The following CBFA2T2 variants were observed in gnomAD, a reference collection of about 807,000 sequenced individuals.
The protein encoded by CBFA2T2 is protein CBFA2T2.
In CBFA2T2, 11 loss-of-function variants were observed where a neutral mutation model predicts 62.2. The observed-to-expected ratio is 0.18, with a 90% CI of 0.11 to 0.29. The LOEUF (loss-of-function observed/expected upper bound fraction) is 0.29. Among genes scored for constraint, CBFA2T2 ranks in the 10% least tolerant of loss-of-function variants. The pLI is 1.00. For synonymous variants in CBFA2T2, 295 were observed against 287.5 expected (o/e 1.03, Z -0.27); for missense variants, 592 against 774.1 (o/e 0.76, Z 2.79).
At chr20:33,542,030 C>CT (rs2012421455) in intron 1 of CBFA2T2, among the ~76,000 whole-genome samples, 1 of 152,130 alleles carries the variant, frequency 6.6e-6, no homozygotes, top group Admixed American at 6.5e-5. Context: ...AGGCATGAGC[C>CT]ACTACACCTA....
intron 3 of CBFA2T2, among the ~76,000 whole-genome samples, chr20:33,618,255 T>TAG (rs1421754228): frequency 6.6e-6 from 1 of 152,134 alleles, no homozygotes; most frequent in Non-Finnish European, 1.5e-5. Context: ...TTTGAACACT[T>TAG]ACAAAGTTTC....
At chr20:33,544,944 AC>A (rs2012499911) in intron 1 of CBFA2T2, among the ~76,000 whole-genome samples, 1 of 139,194 alleles carries the variant, frequency 7.2e-6, no homozygotes, top group Non-Finnish European at 1.5e-5. Flanking sequence ...ATAGAATAGA[AC>A]AGAATAGAAT....
chr20:33,528,149 C>T (rs1042755621), intron 1 of CBFA2T2, among the ~76,000 whole-genome samples: 10 of 152,176 alleles, frequency 6.6e-5, no homozygotes, highest in Non-Finnish European at 1.5e-5. Flanking sequence ...GGATTACAGG[C>T]TCTTGCCTCT....
At chr20:33,536,624 G>A (rs1459889856) in intron 1 of CBFA2T2, among the ~76,000 whole-genome samples, 2 of 151,224 alleles carry the variant, frequency 1.3e-5, no homozygotes, top group South Asian at 2.1e-4. Flanking sequence ...CAGACGGGGC[G>A]GTTGCCAGGC....
intron 1 of CBFA2T2, among the ~76,000 whole-genome samples, chr20:33,502,466 G>T (rs981133416): frequency 3.3e-5 from 5 of 151,728 alleles, no homozygotes; most frequent in African/African-American, 1.2e-4. Context: ...GAGTGCAGTG[G>T]CCCGATCTCG....
chr20:33,518,696 C>G (rs992571927), intron 1 of CBFA2T2, among the ~76,000 whole-genome samples: 1 of 151,250 alleles, frequency 6.6e-6, no homozygotes, highest in East Asian at 1.9e-4. Flanking sequence ...CTCTTGAACC[C>G]GAGTGGCAGA....
chr20:33,628,410 C>T lies in CBFA2T2; in HGVS notation c.1007C>T (p.Ala336Val), dbSNP rs865977083. The T allele has an allele frequency of 6.2e-7, 1 of 1,611,646 alleles. No individual in the cohort carries two copies. The highest frequency in any genetic ancestry group is 8.5e-7 in the Non-Finnish European group (1 of 1,177,722). ...CATCGTTTGACAGAAAGGGAATGGGCTGATGAATGGAAACATCTTGACCAT... is the reference window on the plus strand; with the variant it reads ...CATCGTTTGACAGAAAGGGAATGGGTTGATGAATGGAAACATCTTGACCAT... ...VDHRLTEREW[A>V]DEWKHLDHAL... Residue 336 changes from alanine to valine, a missense_variant, in exon 7 of 11, where the codon GCT becomes GTT. This residue lies in a region of CBFA2T2 where 449 missense variants were observed against 551.2 expected (regional missense o/e 0.81). Transcript: ENST00000342704.
chr20:33,539,073 C>T lies in CBFA2T2; in HGVS notation c.34+48772C>T, dbSNP rs118009131. Reference sequence around the variant, plus strand: ...TTGCAACTTATTCTAGCCTAGGTCCCACTTAAAATTATAGTTGGGGAGAGA... The same window carrying T: ...TTGCAACTTATTCTAGCCTAGGTCCTACTTAAAATTATAGTTGGGGAGAGA... On this transcript the variant is annotated intron_variant, in intron 1 of 10. Coordinates refer to ENST00000342704, the MANE Select transcript of CBFA2T2 (RefSeq NM_001032999.3). Among the ~76,000 whole-genome samples, 879 of 152,280 alleles carry T rather than the reference C, an allele frequency of 5.8e-3. 7 individuals are homozygous for T. The highest frequency in any genetic ancestry group is 9.4e-3 in the Non-Finnish European group (639 of 68,020).
chr20:33,523,036 C>T (rs2011776541), intron 1 of CBFA2T2, among the ~76,000 whole-genome samples: 3 of 152,110 alleles, frequency 2.0e-5, no homozygotes, highest in Non-Finnish European at 4.4e-5. Flanking sequence ...TAGTTGTATA[C>T]TTATCCCTTT....
At chr20:33,643,766 T>C (rs1601126730) in intron 10 of CBFA2T2, among the ~76,000 whole-genome samples, 1 of 2,464 alleles carries the variant, frequency 4.1e-4, no homozygotes, top group Non-Finnish European at 6.3e-4. Flanking sequence ...TATATATATA[T>C]ATATATATAT....
At chr20:33,525,215 G>A (rs1282858242) in intron 1 of CBFA2T2, among the ~76,000 whole-genome samples, 2 of 144,340 alleles carry the variant, frequency 1.4e-5, no homozygotes, top group African/African-American at 5.2e-5. Context: ...GACAGAGTTT[G>A]GCTCTTGTTG....
intron 1 of CBFA2T2, among the ~76,000 whole-genome samples, chr20:33,597,961 ACAT>A (rs2014960046): frequency 1.3e-5 from 2 of 152,160 alleles, no homozygotes; most frequent in South Asian, 4.1e-4. Context: ...TCCAGGGGAG[ACAT>A]CATATGTCGG....
chr20:33,618,016 T>C (rs745845968), intron 3 of CBFA2T2, among the ~76,000 whole-genome samples: 16 of 152,316 alleles, frequency 1.1e-4, no homozygotes, highest in Non-Finnish European at 1.9e-4. Context: ...TTAGAAAATA[T>C]AATGTTCTGT....
intron 1 of CBFA2T2, among the ~76,000 whole-genome samples, chr20:33,564,247 A>G (rs1307846607): frequency 1.3e-5 from 2 of 148,318 alleles, no homozygotes; most frequent in Non-Finnish European, 3.0e-5. Context: ...GGTGGAGGGG[A>G]CTTTTTTCTT....
At chr20:33,514,778 C>A (rs1358229133) in intron 1 of CBFA2T2, among the ~76,000 whole-genome samples, 1 of 151,840 alleles carries the variant, frequency 6.6e-6, no homozygotes, top group African/African-American at 2.4e-5. Flanking sequence ...CTCACTGCAA[C>A]CTCCGCCTCC....
chr20:33,520,970 T>TCACACACACA (rs143080667), intron 1 of CBFA2T2, among the ~76,000 whole-genome samples: 6 of 137,030 alleles, frequency 4.4e-5, no homozygotes, highest in Admixed American at 1.5e-4. Context: ...TCACCTGCCA[T>TCACACACACA]CACACACACA....
chr20:33,612,560 T>A (rs2015568201), intron 3 of CBFA2T2, among the ~76,000 whole-genome samples: 3 of 151,504 alleles, frequency 2.0e-5, no homozygotes, highest in Non-Finnish European at 4.4e-5. Context: ...AGAGACTTTC[T>A]ATTATGCTAG....
At chr20:33,589,473 A>G (rs892030878) in intron 1 of CBFA2T2, among the ~76,000 whole-genome samples, 5 of 152,228 alleles carry the variant, frequency 3.3e-5, no homozygotes, top group African/African-American at 1.2e-4. Context: ...CCCAAACTCA[A>G]TTCTTAATTT....
At chr20:33,494,841 G>T (rs923467293) in intron 1 of CBFA2T2, among the ~76,000 whole-genome samples, 1 of 151,482 alleles carries the variant, frequency 6.6e-6, no homozygotes, top group African/African-American at 2.4e-5. Context: ...CAGGTGATCC[G>T]CCCGTCTCAG....
Sources: gnomAD v4.1 joint callset for allele counts (sites outside exome capture counted in the v4.1 genomes callset) on GRCh38, gnomAD v4.1.1 for gene constraint, gnomAD v4.1.1 regional missense constraint, MANE v1.5 for transcripts, NCBI Gene and HGNC (gene_info 2026-07-23, HGNC 2026-07-21) for gene names.